The following POLR3A variants were observed in gnomAD, a reference collection of about 807,000 sequenced individuals.
POLR3A encodes the protein RNA polymerase III subunit A, also known as DNA-directed RNA polymerase III subunit RPC1.
POLR3A carries 112 observed loss-of-function variants against 152.8 expected under a neutral mutation model. That is an observed-to-expected ratio of 0.73 (90% CI 0.63 to 0.86). The LOEUF (loss-of-function observed/expected upper bound fraction) is 0.86, where lower values mean the gene tolerates loss of function less well. Ranked by LOEUF, POLR3A falls within the 40% of genes least tolerant of loss-of-function variation. POLR3A has a pLI of 0.00. For synonymous variants in POLR3A, 615 were observed against 652.1 expected (o/e 0.94, Z 0.87); for missense variants, 1,385 against 1,743.1 (o/e 0.79, Z 3.66).
intron 6 of POLR3A, 39 bp from the exon 7 acceptor site, chr10:78,022,061 A>G (rs775779183): frequency 1.2e-6 from 2 of 1,614,194 alleles, no homozygotes; most frequent in South Asian, 2.2e-5. Flanking sequence ...AAACCTGGTC[A>G]GTTTGATTTT....
At chr10:77,984,038 T>C (rs1461860771) in intron 25 of POLR3A, 26 bp from the exon 26 acceptor site, 1 of 1,514,444 alleles carries the variant, frequency 6.6e-7, no homozygotes, top group Non-Finnish European at 9.2e-7. Context: ...ATCAGACTGT[T>C]AATCAGCCGC....
At chr10:78,027,718 C>G (rs1847650963) in intron 1 of POLR3A, among the ~76,000 whole-genome samples, 1 of 151,978 alleles carries the variant, frequency 6.6e-6, no homozygotes, top group Non-Finnish European at 1.5e-5. Context: ...GCCACCGCAC[C>G]CAGCTAATTT....
chr10:78,006,135 G>A (rs1236538183), intron 15 of POLR3A, among the ~76,000 whole-genome samples: 3 of 152,024 alleles, frequency 2.0e-5, no homozygotes, highest in East Asian at 1.9e-4. Flanking sequence ...AGTGGCTCAC[G>A]CCTGTAATCC....
At chr10:77,984,729 G>T (rs1847181374) in intron 24 of POLR3A, among the ~76,000 whole-genome samples, 1 of 152,190 alleles carries the variant, frequency 6.6e-6, no homozygotes, top group Non-Finnish European at 1.5e-5. Flanking sequence ...CGAAGGCATT[G>T]TAATACATTT....
At chr10:78,026,891 T>G (rs77131909) in intron 1 of POLR3A, among the ~76,000 whole-genome samples, 6,047 of 152,218 alleles carry the variant, frequency 0.04, 393 homozygotes, top group African/African-American at 0.14. Context: ...AAAACAGACC[T>G]CAATACTTTT....
chr10:78,022,233 A>G lies in POLR3A; in HGVS notation c.797T>C (p.Val266Ala). The change falls in exon 6 of 31, where the codon GTT (valine) becomes GCT (alanine). Residue 266 changes from valine (V) to alanine (A), a missense_variant. Physicochemically the swap from Val to Ala is moderately conservative, Grantham distance 64. This residue lies in a region of POLR3A where 493 missense variants were observed against 647.5 expected (regional missense o/e 0.76). Transcript: ENST00000372371. ...LVPPLCIRPS[V>A]VSDLKSGTNE... ...GGTGCCAGACTTCAAATCACTCACA[A>G]CGGAGGGTCTGATACACAAAGGAGG... 5 of 1,614,156 alleles carry G rather than the reference A, an allele frequency of 3.1e-6. No homozygotes were observed. The highest frequency in any genetic ancestry group is 4.2e-6 in the Non-Finnish European group (5 of 1,180,000).
At chr10:78,024,926 T>C in intron 4 of POLR3A, 45 bp downstream of exon 4, 1 of 1,599,124 alleles carries the variant, frequency 6.3e-7, no homozygotes, top group Non-Finnish European at 8.6e-7. Flanking sequence ...CAGAAGACAG[T>C]GAGTGAAAAG....
intron 21 of POLR3A, among the ~76,000 whole-genome samples, chr10:77,987,533 A>C (rs3781178): frequency 6.6e-6 from 1 of 152,086 alleles, no homozygotes; most frequent in South Asian, 2.1e-4. Context: ...CCCAGAGAGA[A>C]GGCCAGCATG....
At chr10:78,025,563 G>C in intron 3 of POLR3A, 59 bp downstream of exon 3, 1 of 1,576,788 alleles carries the variant, frequency 6.3e-7, no homozygotes, top group Non-Finnish European at 8.7e-7. Context: ...GTTCATTCCA[G>C]CATCCCTGAC....
rs557292552 is a variant in POLR3A at position 77,979,374 on chromosome 10, C to T, written c.4024+767G>A. ...GGGCAGGTTGCTGGCCCTCTCGAAC[C>T]CCAGCCCCTTACCAGCTCTCACCCC... On this transcript the variant is annotated intron_variant, in intron 30 of 30. Transcript: ENST00000372371. Among the ~76,000 whole-genome samples, 4 of 152,304 alleles carry T rather than the reference C, an allele frequency of 2.6e-5. No individual in the cohort carries two copies. The East Asian group carries it at 5.8e-4, about 22-fold the overall frequency.
intron 8 of POLR3A, 37 bp from the exon 9 acceptor site, chr10:78,019,302 G>T (rs773490899): frequency 1.5e-6 from 2 of 1,309,120 alleles, no homozygotes; most frequent in Non-Finnish European, 2.2e-6. Flanking sequence ...TTACTCCCAG[G>T]TAACTAGAAA....
intron 30 of POLR3A, among the ~76,000 whole-genome samples, chr10:77,978,075 C>A (rs1847106313): frequency 6.6e-6 from 1 of 152,218 alleles, no homozygotes; most frequent in Non-Finnish European, 1.5e-5. Context: ...CCCTTGGAAA[C>A]TGCGGTAGGC....
intron 5 of POLR3A, among the ~76,000 whole-genome samples, chr10:78,024,321 C>T (rs1207677844): frequency 6.7e-6 from 1 of 148,966 alleles, no homozygotes; most frequent in Non-Finnish European, 1.5e-5. Context: ...CCAAGATTTG[C>T]ACCACTCACT....
Position 77,991,132 on chromosome 10 carries a change from G to C in POLR3A, c.2823C>G (p.Ser941Arg), listed in dbSNP as rs1000649307. ...CTGTGGTCAGGATCAGCTCGTTTTTGCTGAGAGCAGGCTCACTGGGACACG... is the reference window on the plus strand; with the variant it reads ...CTGTGGTCAGGATCAGCTCGTTTTTCCTGAGAGCAGGCTCACTGGGACACG... ...VFPCPSEPAL[S>R]KNELILTTES... The change falls in exon 21 of 31, where the codon AGC (serine) becomes AGG (arginine). Residue 941 changes from serine to arginine, a missense_variant. Ser to Arg is a moderately radical substitution (Grantham distance 110). Coordinates refer to ENST00000372371, the MANE Select transcript of POLR3A (RefSeq NM_007055.4). 2 of 1,613,558 alleles carry C rather than the reference G, an allele frequency of 1.2e-6. No homozygotes were observed. The highest frequency in any genetic ancestry group is 1.7e-6 in the Non-Finnish European group (2 of 1,179,468).
chr10:78,001,281 G>A (rs1463511190), intron 17 of POLR3A, among the ~76,000 whole-genome samples, 187 bp from the exon 18 acceptor site: 2 of 152,202 alleles, frequency 1.3e-5, no homozygotes, highest in African/African-American at 2.4e-5. Context: ...AAGGCGGAAC[G>A]ACGGCGAGAG....
chr10:78,017,632 A>C lies in POLR3A; in HGVS notation c.1374T>G (p.Asp458Glu). 6 of 1,614,104 alleles carry C rather than the reference A, an allele frequency of 3.7e-6. No individual in the cohort carries two copies. The highest frequency in any genetic ancestry group is 5.1e-6 in the Non-Finnish European group (6 of 1,179,972). ...DIVERHLIDG[D>E]VVLFNRQPSL... ...AGGGCTGCCGATTGAACAGCACCAC[A>C]TCTCCATCGATGAGGTGTCTCTCTA... Residue 458 changes from aspartate (D) to glutamate (E), a missense_variant, in exon 10 of 31, where the codon GAT (aspartate) becomes GAG (glutamate). This residue lies in a region of POLR3A where 493 missense variants were observed against 647.5 expected (regional missense o/e 0.76). Transcript: ENST00000372371.
At chr10:78,016,410 TAAAAAA>T (rs548574588) in intron 10 of POLR3A, among the ~76,000 whole-genome samples, 1 of 92,098 alleles carries the variant, frequency 1.1e-5, no homozygotes, top group African/African-American at 4.2e-5. Context: ...CTCCACTTAT[TAAAAAA>T]AAAAAAAAAA....
intron 20 of POLR3A, among the ~76,000 whole-genome samples, chr10:77,992,438 C>CTTTTTTTT (rs71030926): frequency 2.6e-5 from 2 of 76,556 alleles, no homozygotes; most frequent in African/African-American, 5.2e-5. Context: ...CTGGCTAATT[C>CTTTTTTTT]TTTTTTTTTT....
In POLR3A at chr10:78,009,654, T is replaced by C. The variant is rs549565623; in HGVS notation, c.1792A>G (p.Lys598Glu). The C allele has an allele frequency of 8.1e-6, 13 of 1,614,142 alleles. No homozygotes were observed. The South Asian group carries it at 1.4e-4, about 18-fold the overall frequency. Residue 598 changes from lysine (K) to glutamate (E), a missense_variant, in exon 14 of 31, where the codon AAG becomes GAG. By Grantham distance (56) the Lys-to-Glu change is moderately conservative. Coordinates refer to ENST00000372371, the MANE Select transcript of POLR3A (RefSeq NM_007055.4). ...ILKPVTLWTGKQIFSVILRPS... is the reference protein window; with the variant it reads ...ILKPVTLWTGEQIFSVILRPS... The stretch of plus-strand genomic sequence containing the variant: ...CTGAGGATGACACTGAAGATCTGCT[T>C]TCCCGTCCACAGGGTGACAGGCTGA...
Sources: allele counts gnomAD v4.1 joint callset (sites outside exome capture counted in the v4.1 genomes callset), GRCh38; gene constraint gnomAD v4.1.1; regional missense constraint gnomAD v4.1.1; transcripts MANE v1.5; gene names NCBI Gene and HGNC (gene_info 2026-07-23, HGNC 2026-07-21).